The following MPDZ variants were observed in gnomAD, a reference collection of about 807,000 sequenced individuals.
MPDZ encodes the protein multiple PDZ domain protein.
In MPDZ, 234 loss-of-function variants were observed where a neutral mutation model predicts 239.1. The ratio of observed to expected loss-of-function variants is 0.98; its 90% CI spans 0.88 to 1.09. The LOEUF is 1.09. Among genes scored for constraint, MPDZ ranks in the 50% least tolerant of loss-of-function variants. The pLI, the probability that MPDZ is intolerant of heterozygous loss-of-function variation, is 0.00. For synonymous variants in MPDZ, 1,048 were observed against 881.3 expected (o/e 1.19, Z -3.35); for missense variants, 3,175 against 2,510.0 (o/e 1.26, Z -5.66).
chr9:13,213,910 G>C (rs1025980454), intron 10 of MPDZ, among the ~76,000 whole-genome samples: 1 of 151,946 alleles, frequency 6.6e-6, no homozygotes, highest in Non-Finnish European at 1.5e-5. Context: ...TCAGATATCT[G>C]CTATCAGATA....
At chr9:13,183,744 G>C (rs1953707369) in intron 18 of MPDZ, among the ~76,000 whole-genome samples, 159 bp from the exon 19 acceptor site, 1 of 151,980 alleles carries the variant, frequency 6.6e-6, no homozygotes. Flanking sequence ...TAATGCAGCA[G>C]AACAAGGATA....
chr9:13,183,418 C>T lies in MPDZ; in HGVS notation c.2649G>A (p.Lys883=). 3 of 1,602,666 alleles carry T rather than the reference C, an allele frequency of 1.9e-6. No homozygotes were observed. Among genetic ancestry groups the T allele is most frequent in the Non-Finnish European group, 2.6e-6 (3 of 1,175,832 alleles). The change falls in exon 19 of 47, where the codon AAG becomes AAA. Residue 883 remains lysine, a splice_region_variant and synonymous_variant. Coordinates refer to ENST00000319217, the MANE Select transcript of MPDZ (RefSeq NM_001378778.1). ...YGSSLPSSPP[K]DVIENSCDPV... ...AGAAAAATTGGCTTTTCCTTTGTACCTTAGGAGGAGATGATGGAAGGGAAG... is the reference window on the plus strand; with the variant it reads ...AGAAAAATTGGCTTTTCCTTTGTACTTTAGGAGGAGATGATGGAAGGGAAG...
At chr9:13,133,653 T>C (rs537772712) in intron 32 of MPDZ, among the ~76,000 whole-genome samples, 171 bp downstream of exon 32, 3 of 151,870 alleles carry the variant, frequency 2.0e-5, no homozygotes, top group Non-Finnish European at 4.4e-5. Context: ...AACCCTAGAG[T>C]TTCTCATTAA....
At chr9:13,215,735 C>A (rs1958219066) in intron 10 of MPDZ, among the ~76,000 whole-genome samples, 1 of 142,070 alleles carries the variant, frequency 7.0e-6, no homozygotes. Context: ...AACAGATAAA[C>A]AGGTTTCTCT....
intron 12 of MPDZ, among the ~76,000 whole-genome samples, chr9:13,203,572 A>G (rs1284978721): frequency 6.6e-6 from 1 of 152,110 alleles, no homozygotes; most frequent in Non-Finnish European, 1.5e-5. Context: ...CGATGTGTAA[A>G]ATATCTGTGG....
At chr9:13,277,749 G>C (rs1974568171) in intron 1 of MPDZ, among the ~76,000 whole-genome samples, 1 of 152,044 alleles carries the variant, frequency 6.6e-6, no homozygotes, top group Non-Finnish European at 1.5e-5. Context: ...ATTTTTAGTA[G>C]AGACAGGGTT....
At chr9:13,139,104 G>A (rs1380677797) in intron 28 of MPDZ, among the ~76,000 whole-genome samples, 2 of 152,120 alleles carry the variant, frequency 1.3e-5, no homozygotes, top group East Asian at 1.9e-4. Context: ...CTTAGAAAAC[G>A]TTATTATATG....
chr9:13,160,830 T>TATATA (rs1950373029), intron 23 of MPDZ, among the ~76,000 whole-genome samples: 1 of 37,978 alleles, frequency 2.6e-5, no homozygotes, highest in Non-Finnish European at 5.3e-5. Context: ...ATTATTAAAA[T>TATATA]TATATATATA....
At chr9:13,242,321 G>A (rs746759103) in intron 3 of MPDZ, among the ~76,000 whole-genome samples, 10 of 143,798 alleles carry the variant, frequency 7.0e-5, no homozygotes, top group Middle Eastern at 3.5e-3. Context: ...CACTTCCTGG[G>A]CTCAAGCAAT....
At chr9:13,202,869 G>A (rs1372265366) in intron 12 of MPDZ, among the ~76,000 whole-genome samples, 1 of 152,140 alleles carries the variant, frequency 6.6e-6, no homozygotes, top group Non-Finnish European at 1.5e-5. Flanking sequence ...TAGTTCTGGT[G>A]AACTCAGGGT....
intron 35 of MPDZ, among the ~76,000 whole-genome samples, chr9:13,124,088 G>GTAGC (rs1563848137): frequency 6.6e-6 from 1 of 152,210 alleles, no homozygotes; most frequent in Non-Finnish European, 1.5e-5. Flanking sequence ...ACTTGGTATA[G>GTAGC]TAGCGTATGC....
intron 38 of MPDZ, chr9:13,119,925 C>A: frequency 2.6e-6 from 1 of 378,002 alleles, no homozygotes; most frequent in East Asian, 6.2e-5. Context: ...TTACCATTCT[C>A]ATTTTATGGG....
At chr9:13,119,841 C>G (rs941912657) in intron 38 of MPDZ, 192 bp from the exon 39 acceptor site, 1 of 611,660 alleles carries the variant, frequency 1.6e-6, no homozygotes, top group Non-Finnish European at 2.8e-6. Context: ...TCTTACAGTG[C>G]TTCATAGATT....
At chr9:13,107,359 GGTTTT>G (rs1374386773) in intron 46 of MPDZ, among the ~76,000 whole-genome samples, 5 of 152,154 alleles carry the variant, frequency 3.3e-5, no homozygotes, top group African/African-American at 1.2e-4. Context: ...CAGTTGGATG[GGTTTT>G]TGGCTGTTCA....
In MPDZ at chr9:13,199,559, T is replaced by C. The variant is rs986214855; in HGVS notation, c.1547-3329A>G. ...TATGTTGAAAAAAAGGTGGTAAAAG[T>C]AAGCATCGTTGTCTTGTTCCAGATC... is the stretch of plus-strand genomic sequence containing the variant. On this transcript the variant is annotated intron_variant, in intron 12 of 46. Transcript: ENST00000319217. Among the ~76,000 whole-genome samples, 22 of 152,184 alleles carry C rather than the reference T, an allele frequency of 1.4e-4. No individual in the cohort carries two copies. In the East Asian group the frequency reaches 3.5e-3, roughly 24 times the overall value.
At chr9:13,243,371 T>A (rs940936445) in intron 3 of MPDZ, among the ~76,000 whole-genome samples, 4 of 152,040 alleles carry the variant, frequency 2.6e-5, no homozygotes, top group Admixed American at 6.5e-5. Flanking sequence ...CTCTTTTTTT[T>A]TTTTTGCTTT....
In MPDZ at chr9:13,115,198, C is replaced by T. The variant is rs747436441; in HGVS notation, c.5466+50G>A. The T allele has an allele frequency of 2.0e-4, 300 of 1,512,126 alleles. 1 individual carries two copies. The highest frequency in any genetic ancestry group is 2.5e-5 in the Non-Finnish European group (27 of 1,091,716). The allele number at this position is 1,512,126 out of a possible 1,614,324, so 93.7% of individuals were successfully genotyped here. ...CCCACAGTCAGGGCCATCTATGTGT[C>T]CTCTTGGCATGCCGATTGCATCGCC... is the stretch of plus-strand genomic sequence containing the variant. On this transcript the variant is annotated intron_variant, in intron 40 of 46. Coordinates refer to ENST00000319217, the MANE Select transcript of MPDZ (RefSeq NM_001378778.1).
At chr9:13,213,314 A>G (rs1430792898) in intron 10 of MPDZ, among the ~76,000 whole-genome samples, 2 of 152,084 alleles carry the variant, frequency 1.3e-5, no homozygotes, top group Admixed American at 1.3e-4. Context: ...CACAATGTGT[A>G]AAACAAGAAC....
intron 1 of MPDZ, among the ~76,000 whole-genome samples, chr9:13,251,449 G>C (rs903022041): frequency 6.6e-6 from 1 of 152,084 alleles, no homozygotes; most frequent in Non-Finnish European, 1.5e-5. Flanking sequence ...AACCCATCTT[G>C]AGCCTTTGCT....
Sources: gnomAD v4.1 joint callset for allele counts (sites outside exome capture counted in the v4.1 genomes callset) on GRCh38, gnomAD v4.1.1 for gene constraint, MANE v1.5 for transcripts, NCBI Gene and HGNC (gene_info 2026-07-23, HGNC 2026-07-21) for gene names.